The following PRSS12 variants were observed in gnomAD, a reference collection of about 807,000 sequenced individuals.
The protein encoded by PRSS12 is serine protease 12.
In PRSS12, 85 loss-of-function variants were observed where a neutral mutation model predicts 104.4. The ratio of observed to expected loss-of-function variants is 0.81; its 90% CI spans 0.68 to 0.98. The LOEUF (loss-of-function observed/expected upper bound fraction) is 0.98. PRSS12 is among the 50% of genes least tolerant of loss of function. PRSS12 has a pLI of 0.00. For missense variants in PRSS12, 1,141 were observed against 1,139.2 expected (o/e 1.00, Z -0.02); for synonymous variants, 454 against 425.2 (o/e 1.07, Z -0.83).
intron 6 of PRSS12, among the ~76,000 whole-genome samples, chr4:118,313,856 T>C (rs1743827174): frequency 6.6e-6 from 1 of 152,202 alleles, no homozygotes; most frequent in African/African-American, 2.4e-5. Flanking sequence ...TCAAGCACTA[T>C]ACCTAATCCA....
chr4:118,344,344 G>A (rs1724297468), intron 1 of PRSS12, among the ~76,000 whole-genome samples: 1 of 151,868 alleles, frequency 6.6e-6, no homozygotes, highest in Admixed American at 6.6e-5. Flanking sequence ...GGGGACTCTT[G>A]GTTGAATTTT....
intron 4 of PRSS12, among the ~76,000 whole-genome samples, chr4:118,321,481 G>C (rs1723621916): frequency 6.6e-6 from 1 of 152,146 alleles, no homozygotes; most frequent in African/African-American, 2.4e-5. Context: ...CTACCTTGGG[G>C]AAGTTACTAA....
rs1162851834 is a variant in PRSS12 at position 118,281,853 on chromosome 4, G to A, written c.*83C>T. On this transcript the variant is annotated 3_prime_UTR_variant, in exon 13 of 13. Coordinates refer to ENST00000296498, the MANE Select transcript of PRSS12 (RefSeq NM_003619.4). The stretch of plus-strand genomic sequence containing the variant: ...AAAGCAAAAACAGATCTTGCCATTT[G>A]TTGTCATCTCTGCTGAGTGCTAATA... The A allele has an allele frequency of 2.5e-5, 20 of 797,406 alleles. No individual in the cohort carries two copies. Among genetic ancestry groups the A allele is most frequent in the Middle Eastern group, 2.7e-4 (1 of 3,708 alleles). The allele number at this position is 797,406 out of a possible 1,614,324, so 49.4% of individuals were successfully genotyped here.
rs945777527 is a variant in PRSS12, at chr4:118,345,709, A to G, written c.502+6510T>C. The stretch of plus-strand genomic sequence containing the variant: ...AAATATGCTTTGTCAACCAAACCAG[A>G]GTCTAAATGTTATTCATCCAGATAT... On this transcript the variant is annotated intron_variant, in intron 1 of 12. Coordinates refer to ENST00000296498, the MANE Select transcript of PRSS12 (RefSeq NM_003619.4). Among the ~76,000 whole-genome samples, 8 of 152,310 alleles carry G rather than the reference A, an allele frequency of 5.3e-5. No homozygotes were observed. In the South Asian group the frequency reaches 1.5e-3, roughly 28 times the overall value.
At chr4:118,293,308 T>A (rs1743172083) in intron 11 of PRSS12, among the ~76,000 whole-genome samples, 1 of 151,930 alleles carries the variant, frequency 6.6e-6, no homozygotes, top group Non-Finnish European at 1.5e-5. Context: ...AAATTAAACT[T>A]CTAAATATTA....
At chr4:118,351,396 C>T (rs931081840) in intron 1 of PRSS12, among the ~76,000 whole-genome samples, 32 of 151,656 alleles carry the variant, frequency 2.1e-4, no homozygotes, top group African/African-American at 7.0e-4. Flanking sequence ...CAAAATGAAG[C>T]AATGTTCAAA....
rs1411972016 is a variant in PRSS12, at chr4:118,282,103, A to C, written c.2461T>G (p.Cys821Gly). ...AGTGGTCCTCCGCTGTCTCCCTGGC[A>C]GCTGTCCACGCGTTTGTGTTCATGG... ...NLHEHKRVDS[C>G]QGDSGGPLMC... The change falls in exon 13 of 13, where the codon TGC (cysteine) becomes GGC (glycine). Residue 821 changes from cysteine to glycine, a missense_variant. By Grantham distance (159) the Cys-to-Gly change is radical. Coordinates refer to ENST00000296498, the MANE Select transcript of PRSS12 (RefSeq NM_003619.4). 6.2e-7 allele frequency: 1 copy of C among 1,614,180 alleles called. No individual in the cohort carries two copies. The highest frequency in any genetic ancestry group is 8.5e-7 in the Non-Finnish European group (1 of 1,180,036).
intron 12 of PRSS12, 72 bp from the exon 13 acceptor site, chr4:118,282,315 T>C: frequency 1.9e-6 from 3 of 1,571,388 alleles, no homozygotes; most frequent in South Asian, 1.1e-5. Flanking sequence ...ACTGAGCATG[T>C]AATAGTTATG....
intron 3 of PRSS12, among the ~76,000 whole-genome samples, chr4:118,334,547 G>C (rs1724013520): frequency 6.6e-6 from 1 of 151,962 alleles, no homozygotes; most frequent in Non-Finnish European, 1.5e-5. Flanking sequence ...TTTAACATAT[G>C]CCTCTCCCAG....
chr4:118,310,883 T>C (rs976707880), intron 7 of PRSS12, among the ~76,000 whole-genome samples: 6 of 152,260 alleles, frequency 3.9e-5, no homozygotes, highest in Non-Finnish European at 8.8e-5. Flanking sequence ...AAACTCCATC[T>C]GTACTAAAAA....
At chr4:118,328,841 T>C (rs10446726) in intron 4 of PRSS12, among the ~76,000 whole-genome samples, 7,814 of 152,296 alleles carry the variant, frequency 0.051, 307 homozygotes, top group Middle Eastern at 0.088. Flanking sequence ...TTGCCCAGGC[T>C]GGAGTACAGT....
intron 3 of PRSS12, 60 bp from the exon 4 acceptor site, chr4:118,331,926 T>C: frequency 6.2e-7 from 1 of 1,603,828 alleles, no homozygotes; most frequent in Non-Finnish European, 8.5e-7. Context: ...TTGATAAGAT[T>C]AGGTATATTC....
At chr4:118,302,556 G>A (rs1037469083) in intron 8 of PRSS12, among the ~76,000 whole-genome samples, 20 of 152,022 alleles carry the variant, frequency 1.3e-4, no homozygotes, top group Non-Finnish European at 2.4e-4. Context: ...CCTCCCGAGC[G>A]GCTGGGATTA....
In PRSS12 at chr4:118,280,132, G is replaced by T. The variant is rs1435137461; in HGVS notation, c.*1804C>A. 14 of 152,234 alleles carry T rather than the reference G, an allele frequency of 9.2e-5. 1 individual carries two copies. Among genetic ancestry groups the T allele is most frequent in the South Asian group, 4.1e-4 (2 of 4,836 alleles). 9.4% of individuals were successfully genotyped at this position (152,234 alleles called of 1,614,324 possible). A position where few individuals can be genotyped will look rare whatever the true frequency, so the allele number is the denominator to read the frequency against. On this transcript the variant is annotated 3_prime_UTR_variant, in exon 13 of 13. Transcript: ENST00000296498. ...ACTTAAGACATAGTAAAAGCATGTT[G>T]TATGAACCATGTATTCTTAAGGATT... is the stretch of plus-strand genomic sequence containing the variant.
rs943420240 is a variant in PRSS12, at chr4:118,352,741, T to C, written c.-21A>G. The C allele has an allele frequency of 6.2e-7, 1 of 1,608,592 alleles. No homozygotes were observed. The highest frequency in any genetic ancestry group is 8.5e-7 in the Non-Finnish European group (1 of 1,177,422). On this transcript the variant is annotated 5_prime_UTR_variant, in exon 1 of 13. Transcript: ENST00000296498. ...GTCATGGTGCCAGCGCTGCGGGGTC[T>C]GGTCCATGCTCCCCAGCTTCTCGGG...
intron 1 of PRSS12, among the ~76,000 whole-genome samples, chr4:118,344,049 A>G (rs1724288163): frequency 6.6e-6 from 1 of 152,202 alleles, no homozygotes; most frequent in Non-Finnish European, 1.5e-5. Context: ...GTTCTAGTGG[A>G]ATAGAAAGAA....
At chr4:118,301,587 T>G (rs1743407725) in intron 8 of PRSS12, among the ~76,000 whole-genome samples, 1 of 152,236 alleles carries the variant, frequency 6.6e-6, no homozygotes, top group Admixed American at 6.5e-5. Flanking sequence ...TTATTTCTAT[T>G]TTGTCTTCAC....
At chr4:118,337,778 TATAATTAATA>T in intron 2 of PRSS12, among the ~76,000 whole-genome samples, 1 of 152,096 alleles carries the variant, frequency 6.6e-6, no homozygotes. Flanking sequence ...ATTAATTAAT[TATAATTAATA>T]ATTAGAATAA....
At chr4:118,309,222 T>C (rs1339142197) in intron 7 of PRSS12, among the ~76,000 whole-genome samples, 1 of 152,104 alleles carries the variant, frequency 6.6e-6, no homozygotes, top group African/African-American at 2.4e-5. Flanking sequence ...TCTAGCAAAT[T>C]AAGATTTATC....
Sources: gnomAD v4.1 joint callset for allele counts (sites outside exome capture counted in the v4.1 genomes callset) on GRCh38, gnomAD v4.1.1 for gene constraint, MANE v1.5 for transcripts, NCBI Gene and HGNC (gene_info 2026-07-23, HGNC 2026-07-21) for gene names.